The following PRKCA variants were observed in gnomAD, a reference collection of about 807,000 sequenced individuals.
PRKCA encodes the protein protein kinase C alpha.
PRKCA carries 27 observed loss-of-function variants against 87.0 expected under a neutral mutation model. The observed-to-expected ratio is 0.31, with a 90% CI of 0.23 to 0.43. The LOEUF is 0.43. Ranked by LOEUF, PRKCA falls within the 20% of genes least tolerant of loss-of-function variation. PRKCA has a pLI of 1.00. For missense variants in PRKCA, 518 were observed against 852.3 expected (o/e 0.61, Z 4.88); for synonymous variants, 329 against 311.1 (o/e 1.06, Z -0.61).
At chr17:66,312,659 T>TAAGTCTTA (rs1212731029) in intron 2 of PRKCA, among the ~76,000 whole-genome samples, 1 of 151,954 alleles carries the variant, frequency 6.6e-6, no homozygotes, top group African/African-American at 2.4e-5. Flanking sequence ...TTTCACCTGT[T>TAAGTCTTA]AAGTCTTAGT....
chr17:66,575,057 C>A (rs1173886580), intron 3 of PRKCA, among the ~76,000 whole-genome samples: 1 of 152,132 alleles, frequency 6.6e-6, no homozygotes, highest in African/African-American at 2.4e-5. Context: ...GCCGGTGTCA[C>A]CACTCTGGTA....
intron 5 of PRKCA, among the ~76,000 whole-genome samples, chr17:66,681,789 G>A (rs1463365201): frequency 6.6e-6 from 1 of 152,198 alleles, no homozygotes; most frequent in Non-Finnish European, 1.5e-5. Context: ...CCATTCACGT[G>A]AGATGGCCTG....
intron 16 of PRKCA, among the ~76,000 whole-genome samples, chr17:66,789,816 T>A (rs1274825429): frequency 1.3e-5 from 2 of 152,214 alleles, no homozygotes; most frequent in Non-Finnish European, 2.9e-5. Context: ...CCCTAATTGT[T>A]GATTGCGGCC....
At chr17:66,640,403 G>A (rs1245612712) in intron 3 of PRKCA, among the ~76,000 whole-genome samples, 1 of 152,230 alleles carries the variant, frequency 6.6e-6, no homozygotes, top group Non-Finnish European at 1.5e-5. Context: ...CACCTTTGGT[G>A]CTCTATGTGG....
At chr17:66,430,624 T>C (rs1489066409) in intron 2 of PRKCA, among the ~76,000 whole-genome samples, 3 of 151,986 alleles carry the variant, frequency 2.0e-5, no homozygotes, top group African/African-American at 7.2e-5. Flanking sequence ...GGTTCCAGAT[T>C]GAAACCCTTA....
chr17:66,484,418 A>G lies in PRKCA; in HGVS notation c.206-11783A>G, dbSNP rs115316625. ...AGTAAATTGCATTGAGTGTATGATCAGAGACTATTGAGAAAGGTGATTGTT... is the reference window on the plus strand; with the variant it reads ...AGTAAATTGCATTGAGTGTATGATCGGAGACTATTGAGAAAGGTGATTGTT... On this transcript the variant is annotated intron_variant, in intron 2 of 16. Coordinates refer to ENST00000413366, the MANE Select transcript of PRKCA (RefSeq NM_002737.3). Among the ~76,000 whole-genome samples the G allele has an allele frequency of 8.7e-3, 1,321 of 152,342 alleles. 11 individuals are homozygous for G. The highest frequency in any genetic ancestry group is 0.03 in the African/African-American group (1,256 of 41,584).
rs957045379 is a variant in PRKCA, at chr17:66,389,961, C to T, written c.205+83834C>T. 3.3e-5 allele frequency among the ~76,000 whole-genome samples: 5 copies of T among 152,330 alleles called. No homozygotes were observed. In the South Asian group the frequency reaches 8.3e-4, roughly 25 times the overall value. The stretch of plus-strand genomic sequence containing the variant: ...TGAAGAGGCCGGGCGCAGTGGCTCA[C>T]GCCTGTAATCCCAGCACTTTGGGAG... On this transcript the variant is annotated intron_variant, in intron 2 of 16. Coordinates refer to ENST00000413366, the MANE Select transcript of PRKCA (RefSeq NM_002737.3).
chr17:66,349,955 A>T (rs1311502443), intron 2 of PRKCA, among the ~76,000 whole-genome samples: 1 of 148,836 alleles, frequency 6.7e-6, no homozygotes, highest in African/African-American at 2.4e-5. Context: ...TTATTTAGTT[A>T]CAGAGGTTAA....
At chr17:66,677,104 G>A (rs2143980879) in intron 5 of PRKCA, 1 of 34,252 alleles carries the variant, frequency 2.9e-5, no homozygotes, top group Middle Eastern at 0.015. Flanking sequence ...TATTGAGACT[G>A]AGTCTCGCTC....
chr17:66,424,060 G>A (rs902958885), intron 2 of PRKCA, among the ~76,000 whole-genome samples: 1 of 152,108 alleles, frequency 6.6e-6, no homozygotes, highest in African/African-American at 2.4e-5. Context: ...CCTAGGGGGA[G>A]GCTCTGGAGG....
chr17:66,399,373 G>A (rs2143678325), intron 2 of PRKCA, among the ~76,000 whole-genome samples: 1 of 152,134 alleles, frequency 6.6e-6, no homozygotes, highest in African/African-American at 2.4e-5. Flanking sequence ...GACAGCATTT[G>A]TTTTAAAGCA....
chr17:66,738,106 G>T (rs1171270890), intron 10 of PRKCA, among the ~76,000 whole-genome samples: 1 of 152,174 alleles, frequency 6.6e-6, no homozygotes, highest in African/African-American at 2.4e-5. Flanking sequence ...ATTTATTTGG[G>T]TCTATGATAC....
At chr17:66,593,903 GA>G (rs1208488594) in intron 3 of PRKCA, among the ~76,000 whole-genome samples, 8 of 152,244 alleles carry the variant, frequency 5.3e-5, no homozygotes, top group African/African-American at 1.9e-4. Context: ...GGCCAACATG[GA>G]AAAACCCCGT....
At chr17:66,757,315 A>T (rs1974571452) in intron 13 of PRKCA, among the ~76,000 whole-genome samples, 1 of 152,174 alleles carries the variant, frequency 6.6e-6, no homozygotes, top group African/African-American at 2.4e-5. Context: ...GACGTAAGAG[A>T]GAAAGAAACA....
At chr17:66,336,350 C>T (rs192100683) in intron 2 of PRKCA, among the ~76,000 whole-genome samples, 11 of 152,234 alleles carry the variant, frequency 7.2e-5, no homozygotes, top group Admixed American at 7.2e-4. Flanking sequence ...ATTGGTGATC[C>T]CTAACCCAAC....
chr17:66,428,773 G>A (rs1241448281), intron 2 of PRKCA, among the ~76,000 whole-genome samples: 1 of 152,038 alleles, frequency 6.6e-6, no homozygotes, highest in Admixed American at 6.5e-5. Context: ...CAAATTGCCG[G>A]GATTATAGGT....
intron 3 of PRKCA, among the ~76,000 whole-genome samples, chr17:66,602,929 CG>C (rs1436277716): frequency 6.6e-6 from 1 of 152,212 alleles, no homozygotes; most frequent in African/African-American, 2.4e-5. Flanking sequence ...GTCTGTGAGG[CG>C]GGAAGCCCAC....
chr17:66,436,115 A>G (rs752151930), intron 2 of PRKCA, among the ~76,000 whole-genome samples: 2 of 152,212 alleles, frequency 1.3e-5, no homozygotes, highest in Non-Finnish European at 2.9e-5. Flanking sequence ...GATTTGTTCA[A>G]TAATTGGATG....
chr17:66,545,790 C>T (rs557969070), intron 3 of PRKCA, among the ~76,000 whole-genome samples: 1 of 152,092 alleles, frequency 6.6e-6, no homozygotes, highest in African/African-American at 2.4e-5. Context: ...CTGCAGAATC[C>T]AAGTGTTTAG....
Sources: allele counts gnomAD v4.1 joint callset (sites outside exome capture counted in the v4.1 genomes callset), GRCh38; gene constraint gnomAD v4.1.1; transcripts MANE v1.5; gene names NCBI Gene and HGNC (gene_info 2026-07-23, HGNC 2026-07-21).